Variants in KIF19 observed in about 807,000 individuals in gnomAD.
The protein encoded by KIF19 is kinesin family member 19, also known as kinesin-like protein KIF19.
A neutral mutation model predicts 106.6 loss-of-function variants in KIF19; 98 were observed. That is an observed-to-expected ratio of 0.92 (90% CI 0.78 to 1.09). KIF19 has a LOEUF of 1.09. Ranked by LOEUF, KIF19 falls within the 50% of genes least tolerant of loss-of-function variation. The pLI, the probability that KIF19 is intolerant of heterozygous loss-of-function variation, is 0.00. For missense variants in KIF19, 1,373 were observed against 1,414.3 expected, an observed-to-expected ratio of 0.97 and a Z score of 0.47; for synonymous variants, 516 against 584.2, an observed-to-expected ratio of 0.88 and a Z score of 1.68.
rs2054833472 is a variant in KIF19 at position 74,354,852 on chromosome 17, T to G, written c.2777T>G (p.Val926Gly). The change falls in exon 19 of 20, where the codon GTG (valine) becomes GGG (glycine). Residue 926 changes from valine (V) to glycine (G), a missense_variant. Val to Gly is a moderately radical substitution (Grantham distance 109). Around this residue, in one of 3 missense-constraint regions of KIF19, gnomAD observed 1,020 missense variants for 1,008.2 expected, o/e 1.01. Transcript: ENST00000389916. ...CGCATCTCGGACCACAGGATGCCAG[T>G]GTGCAGGCACCCAGCCCCTGGTATC... ...AERISDHRMP[V>G]CRHPAPGIRH... The G allele has an allele frequency of 1.3e-6, 2 of 1,563,090 alleles. No homozygotes were observed. The highest frequency in any genetic ancestry group is 1.7e-6 in the Non-Finnish European group (2 of 1,154,228).
Position 74,350,830 on chromosome 17 carries a change from GC to G in KIF19, c.1514del (p.Pro505HisfsTer170). The G allele has an allele frequency of 6.2e-7, 1 of 1,614,054 alleles. No individual in the cohort carries two copies. The highest frequency in any genetic ancestry group is 8.5e-7 in the Non-Finnish European group (1 of 1,179,898). On this transcript the variant is annotated frameshift_variant, in exon 12 of 20. Coordinates refer to ENST00000389916, the MANE Select transcript of KIF19 (RefSeq NM_153209.4). LOFTEE classifies it high-confidence loss of function. ...GTGATGACCAACCAGACATCCTGGA[GC>G]CACCCGAGGTGGCCGCAGCCCGGGA... Reference protein sequence around the residue: ...TGDDQPDILEPPEVAAARESI... With the variant: ...TGDDQPDILEXPEVAAARESI...
intron 7 of KIF19, among the ~76,000 whole-genome samples, chr17:74,345,411 A>T (rs1375200284): frequency 1.3e-5 from 2 of 151,978 alleles, no homozygotes; most frequent in East Asian, 3.9e-4. Flanking sequence ...CTGGGAGAGG[A>T]CCCAGCCAGT....
chr17:74,352,965 G>A lies in KIF19; in HGVS notation c.2114+11G>A. The A allele has an allele frequency of 1.9e-6, 3 of 1,613,388 alleles. No individual in the cohort carries two copies. Among genetic ancestry groups the A allele is most frequent in the Non-Finnish European group, 2.5e-6 (3 of 1,179,686 alleles). The stretch of plus-strand genomic sequence containing the variant: ...CCTCAGCACAGAGAGGTGAGATGGG[G>A]GCCACCTGCCCCAGCCCCCACCCTG... On this transcript the variant is annotated intron_variant, in intron 15 of 19. Coordinates refer to ENST00000389916, the MANE Select transcript of KIF19 (RefSeq NM_153209.4).
rs1187442004 is a variant in KIF19 at position 74,350,855 on chromosome 17, G to A, written c.1537G>A (p.Glu513Lys). Reference protein sequence around the residue: ...LEPPEVAAARESIAALVDEQK... With the variant: ...LEPPEVAAARKSIAALVDEQK... ...GCCACCCGAGGTGGCCGCAGCCCGG[G>A]AGAGCATTGCAGCCCTGGTGGACGA... Residue 513 changes from glutamate to lysine, a missense_variant, in exon 12 of 20, where the codon GAG becomes AAG. Physicochemically the swap from Glu to Lys is moderately conservative, Grantham distance 56. Coordinates refer to ENST00000389916, the MANE Select transcript of KIF19 (RefSeq NM_153209.4). The A allele has an allele frequency of 6.2e-7, 1 of 1,614,042 alleles. No individual in the cohort carries two copies. Among genetic ancestry groups the A allele is most frequent in the Non-Finnish European group, 8.5e-7 (1 of 1,179,910 alleles).
At chr17:74,329,201 C>T (rs2054003443) in intron 2 of KIF19, 1 of 152,172 alleles carries the variant, frequency 6.6e-6, no homozygotes, top group African/African-American at 2.4e-5. Context: ...CTGTGCTTGA[C>T]ACTTTGGGAG....
At chr17:74,328,350 G>A in intron 1 of KIF19, 75 bp from the exon 2 acceptor site, 1 of 1,371,586 alleles carries the variant, frequency 7.3e-7, no homozygotes, top group Non-Finnish European at 1.0e-6. Context: ...AGAAGCCAGG[G>A]GCTTGCTTGA....
chr17:74,331,481 G>C lies in KIF19; in HGVS notation c.120+2976G>C, dbSNP rs1018344064. On this transcript the variant is annotated intron_variant, in intron 2 of 19. Transcript: ENST00000389916. This position sits in a 1 kb window ranked among gnomAD's most constrained non-coding sequence, Gnocchi z 4.1. Reference sequence around the variant, plus strand: ...TTCAAATGAAGGAGATTGTGGCAACGAGGCTTGGCAGAAGGGGACATTCCC... The same window carrying C: ...TTCAAATGAAGGAGATTGTGGCAACCAGGCTTGGCAGAAGGGGACATTCCC... Among the ~76,000 whole-genome samples, 4 of 152,236 alleles carry C rather than the reference G, an allele frequency of 2.6e-5. No individual in the cohort carries two copies. In the South Asian group the frequency reaches 8.3e-4, roughly 32 times the overall value.
intron 2 of KIF19, among the ~76,000 whole-genome samples, chr17:74,330,395 G>T (rs1398116631): frequency 6.6e-6 from 1 of 152,214 alleles, no homozygotes; most frequent in African/African-American, 2.4e-5. Flanking sequence ...GAGTTTCATA[G>T]ATGTCAGTTA....
chr17:74,344,916 G>A lies in KIF19; in HGVS notation c.738G>A (p.Leu246=). 1.2e-6 allele frequency: 2 copies of A among 1,610,884 alleles called. No homozygotes were observed. The highest frequency in any genetic ancestry group is 2.2e-5 in the South Asian group (2 of 90,978). ...NILQEVRQGR[L]FMIDLAGSER... is the part of the protein sequence containing the mutation. ...TGCAGGAGGTGCGGCAGGGCCGCCTGTTCATGATCGACCTGGCTGGCTCAG... is the reference window on the plus strand; with the variant it reads ...TGCAGGAGGTGCGGCAGGGCCGCCTATTCATGATCGACCTGGCTGGCTCAG... The change falls in exon 7 of 20, where the codon CTG becomes CTA. Residue 246 remains leucine, a synonymous_variant. Transcript: ENST00000389916.
chr17:74,340,555 G>GCGCACA, intron 2 of KIF19, among the ~76,000 whole-genome samples: 26 of 148,304 alleles, frequency 1.8e-4, no homozygotes, highest in African/African-American at 5.3e-4. Context: ...ATGCGCGCGC[G>GCGCACA]TACACACACA....
Position 74,350,465 on chromosome 17 carries a change from C to T in KIF19, c.1278C>T (p.Leu426=), listed in dbSNP as rs1482654302. The change falls in exon 11 of 20, where the codon CTC becomes CTT. Residue 426 remains leucine (L), a synonymous_variant. Transcript: ENST00000389916. ...KAGMGQLREQ[L]ASAFQEQMDV... The stretch of plus-strand genomic sequence containing the variant: ...GCATGGGACAGCTTCGGGAGCAGCT[C>T]GCCAGCGCCTTCCAGGAGCAGATGG... The T allele has an allele frequency of 3.1e-6, 5 of 1,610,326 alleles. No individual in the cohort carries two copies. Among genetic ancestry groups the T allele is most frequent in the African/African-American group, 2.7e-5 (2 of 74,890 alleles).
At chr17:74,351,354 G>A in intron 12 of KIF19, 1 of 172,760 alleles carries the variant, frequency 5.8e-6, no homozygotes. Context: ...AAAGCCTAGT[G>A]TGGTGGCTCA....
At chr17:74,345,065 C>G (rs1284652987) in intron 7 of KIF19, 110 bp downstream of exon 7, 4 of 1,108,316 alleles carry the variant, frequency 3.6e-6, no homozygotes, top group Admixed American at 2.4e-5. Flanking sequence ...ACAGGGGAGA[C>G]AGGTTGGGAG....
chr17:74,346,228 G>A lies in KIF19; in HGVS notation c.778-150G>A. The A allele has an allele frequency of 1.3e-6, 1 of 784,082 alleles. No individual in the cohort carries two copies. The highest frequency in any genetic ancestry group is 2.0e-6 in the Non-Finnish European group (1 of 499,168). 48.6% of individuals were successfully genotyped at this position (784,082 alleles called of 1,614,324 possible). On this transcript the variant is annotated intron_variant, in intron 7 of 19. Transcript: ENST00000389916. This position sits in a 1 kb window ranked among gnomAD's most constrained non-coding sequence, Gnocchi z 4.6. Reference sequence around the variant, plus strand: ...TCTGGGTCTCTTAACCTTCTCCAATGCCCTCAGTGGCCTTGGCAGGAGGAC... The same window carrying A: ...TCTGGGTCTCTTAACCTTCTCCAATACCCTCAGTGGCCTTGGCAGGAGGAC...
At chr17:74,348,976 C>T (rs979468754) in intron 9 of KIF19, 14 of 581,390 alleles carry the variant, frequency 2.4e-5, no homozygotes, top group Middle Eastern at 4.4e-4. Flanking sequence ...GGAATGAGGA[C>T]GTTCCCCGCA....
chr17:74,354,560 G>A lies in KIF19; in HGVS notation c.2706+1G>A, dbSNP rs755665735. The A allele has an allele frequency of 6.3e-7, 1 of 1,590,008 alleles. No individual in the cohort carries two copies. The highest frequency in any genetic ancestry group is 1.1e-5 in the South Asian group (1 of 87,548). On this transcript the variant is annotated splice_donor_variant, in intron 18 of 19. Coordinates refer to ENST00000389916, the MANE Select transcript of KIF19 (RefSeq NM_153209.4). LOFTEE classifies it high-confidence loss of function. The stretch of plus-strand genomic sequence containing the variant: ...ATCCTTCGAGGTCACCGGGCAAGGG[G>A]TGAGGCGAGGCGCAGGGGTGGGTGT...
intron 1 of KIF19, among the ~76,000 whole-genome samples, chr17:74,327,480 T>G (rs1010858568): frequency 6.6e-6 from 1 of 152,158 alleles, no homozygotes; most frequent in African/African-American, 2.4e-5. Context: ...TTGTTTTGTT[T>G]TGTTTTGTTT....
rs905188888 is a variant in KIF19, at chr17:74,351,977, G to A, written c.1698G>A (p.Leu566=). Residue 566 remains leucine, a synonymous_variant, in exon 13 of 20, where the codon CTG becomes CTA. Transcript: ENST00000389916. The part of the protein sequence containing the change: ...SEEQREVLSL[L]CRVHELEVEN... The stretch of plus-strand genomic sequence containing the variant: ...AGCAGCGCGAGGTGCTCAGCCTGCT[G>A]TGCCGCGTGCACGAGCTCGAGGTGG... 6.5e-7 allele frequency: 1 copy of A among 1,534,504 alleles called. No individual in the cohort carries two copies. Among genetic ancestry groups the A allele is most frequent in the South Asian group, 1.2e-5 (1 of 83,560 alleles).
chr17:74,336,025 G>A (rs889285768), intron 2 of KIF19, among the ~76,000 whole-genome samples: 2 of 152,208 alleles, frequency 1.3e-5, no homozygotes, highest in Non-Finnish European at 2.9e-5. Context: ...AATCAACATG[G>A]CAGCAGGGAA....
Sources: allele counts gnomAD v4.1 joint callset (sites outside exome capture counted in the v4.1 genomes callset), GRCh38; gene constraint gnomAD v4.1.1; regional missense constraint gnomAD v4.1.1; non-coding constraint Gnocchi (gnomAD v3.1); transcripts MANE v1.5; gene names NCBI Gene and HGNC (gene_info 2026-07-23, HGNC 2026-07-21).